Variants in LAMA2 observed in about 807,000 individuals in gnomAD.
LAMA2 encodes laminin subunit alpha-2.
In LAMA2, 269 loss-of-function variants were observed where a neutral mutation model predicts 364.8. The ratio of observed to expected loss-of-function variants is 0.74; its 90% CI spans 0.67 to 0.82. The LOEUF is 0.82. Among genes scored for constraint, LAMA2 ranks in the 40% least tolerant of loss-of-function variants. The pLI is 0.00. For missense variants in LAMA2, 3,807 were observed against 3,873.2 expected (o/e 0.98, Z 0.45); for synonymous variants, 1,379 against 1,370.6 (o/e 1.01, Z -0.14).
chr6:128,942,085 C>T (rs909623870), intron 1 of LAMA2, among the ~76,000 whole-genome samples: 4 of 152,100 alleles, frequency 2.6e-5, no homozygotes, highest in African/African-American at 7.2e-5. Context: ...AACTAAACAA[C>T]GGAAGCACAA....
intron 1 of LAMA2, among the ~76,000 whole-genome samples, chr6:128,887,750 A>T (rs1487584004): frequency 6.6e-6 from 1 of 152,046 alleles, no homozygotes; most frequent in African/African-American, 2.4e-5. Context: ...TGTGCCTGTA[A>T]TCCCAGCTAC....
chr6:129,445,553 A>G (rs560147472), intron 44 of LAMA2, 114 bp from the exon 45 acceptor site: 23 of 905,400 alleles, frequency 2.5e-5, no homozygotes, highest in African/African-American at 6.6e-5. Flanking sequence ...TGTTATGGCC[A>G]TGCTTTGTCA....
intron 49 of LAMA2, 150 bp downstream of exon 49, chr6:129,460,474 T>C: frequency 1.2e-6 from 1 of 846,876 alleles, no homozygotes; most frequent in South Asian, 1.4e-5. Flanking sequence ...AACTAATGAA[T>C]CTTCAAGTCC....
intron 32 of LAMA2, among the ~76,000 whole-genome samples, chr6:129,354,429 A>G (rs948667952): frequency 1.8e-4 from 27 of 152,288 alleles, no homozygotes; most frequent in African/African-American, 6.5e-4. Context: ...TGTCAAATAC[A>G]TTTATATTGT....
chr6:129,082,133 A>G (rs1774098547), intron 3 of LAMA2, among the ~76,000 whole-genome samples: 1 of 152,144 alleles, frequency 6.6e-6, no homozygotes, highest in Non-Finnish European at 1.5e-5. Context: ...ATGTAGGACT[A>G]TATAAGTTAT....
chr6:129,304,069 A>C (rs1165639916), intron 22 of LAMA2, among the ~76,000 whole-genome samples: 1 of 152,194 alleles, frequency 6.6e-6, no homozygotes, highest in Non-Finnish European at 1.5e-5. Flanking sequence ...AATCAAGAAA[A>C]AAGAGAGAAG....
intron 1 of LAMA2, among the ~76,000 whole-genome samples, chr6:128,937,379 A>G (rs1779890950): frequency 1.3e-5 from 2 of 152,080 alleles, no homozygotes; most frequent in Admixed American, 1.3e-4. Flanking sequence ...TACCTCATAT[A>G]ATGAGATTGG....
intron 12 of LAMA2, among the ~76,000 whole-genome samples, chr6:129,212,088 C>T (rs774128524): frequency 5.9e-5 from 9 of 152,012 alleles, no homozygotes; most frequent in African/African-American, 1.7e-4. Flanking sequence ...TCTGGATTTC[C>T]GAAATATTTT....
intron 4 of LAMA2, among the ~76,000 whole-genome samples, chr6:129,138,319 AAAT>A (rs1481244253): frequency 2.0e-5 from 3 of 152,130 alleles, no homozygotes; most frequent in African/African-American, 7.2e-5. Flanking sequence ...GAATTAATAA[AAAT>A]AACCCTAAAA....
chr6:129,301,113 A>T (rs1354497703), intron 22 of LAMA2, among the ~76,000 whole-genome samples: 2 of 152,172 alleles, frequency 1.3e-5, no homozygotes, highest in Non-Finnish European at 2.9e-5. Flanking sequence ...AAGAACAAAA[A>T]TTCTGTAATA....
chr6:129,275,052 A>C (rs1376709991), intron 17 of LAMA2, among the ~76,000 whole-genome samples: 6 of 152,178 alleles, frequency 3.9e-5, no homozygotes, highest in African/African-American at 1.4e-4. Context: ...TGTGTGGGTC[A>C]GGAATGCTGA....
intron 49 of LAMA2, among the ~76,000 whole-genome samples, chr6:129,462,502 G>A (rs969220682): frequency 5.9e-5 from 9 of 151,850 alleles, no homozygotes; most frequent in Non-Finnish European, 1.3e-4. Context: ...TATACCCCTT[G>A]TCATCAAACT....
At chr6:129,477,605 T>TGAA (rs1554304526) in intron 53 of LAMA2, among the ~76,000 whole-genome samples, 4 of 152,146 alleles carry the variant, frequency 2.6e-5, no homozygotes, top group Non-Finnish European at 5.9e-5. Flanking sequence ...CCCCATTTTA[T>TGAA]GAAGTAGTAT....
chr6:129,259,552 A>G (rs1786972481), intron 14 of LAMA2, among the ~76,000 whole-genome samples: 1 of 152,116 alleles, frequency 6.6e-6, no homozygotes, highest in African/African-American at 2.4e-5. Context: ...ATTTTCATGC[A>G]CTAAAATGAT....
intron 29 of LAMA2, among the ~76,000 whole-genome samples, chr6:129,330,615 T>TTTTTTTC (rs1398796911): frequency 6.7e-6 from 1 of 149,178 alleles, no homozygotes; most frequent in Non-Finnish European, 1.5e-5. Flanking sequence ...TTTTTTTTTT[T>TTTTTTTC]CCCACTGTGT....
rs1431688658 is a variant in LAMA2 at position 129,008,822 on chromosome 6, G to T, written c.113-41096G>T. On this transcript the variant is annotated intron_variant, in intron 1 of 64. Transcript: ENST00000421865. ...ACTTTTTGGATAGAATCAGTTGCAG[G>T]AATTTTCCAAACGATTCACACAGCA... 2.6e-5 allele frequency among the ~76,000 whole-genome samples: 4 copies of T among 152,106 alleles called. No homozygotes were observed. The South Asian group carries it at 6.2e-4, about 24-fold the overall frequency.
At chr6:129,009,403 A>G (rs1177696511) in intron 1 of LAMA2, among the ~76,000 whole-genome samples, 1 of 152,074 alleles carries the variant, frequency 6.6e-6, no homozygotes, top group African/African-American at 2.4e-5. Flanking sequence ...TTTTTTTCCA[A>G]TTAGGATAAG....
At chr6:129,134,732 G>A (rs562109369) in intron 4 of LAMA2, among the ~76,000 whole-genome samples, 6 of 152,170 alleles carry the variant, frequency 3.9e-5, no homozygotes, top group Non-Finnish European at 7.3e-5. Context: ...AGGAGGTGGA[G>A]CTCAGACACC....
intron 12 of LAMA2, among the ~76,000 whole-genome samples, chr6:129,209,015 T>TAATGA (rs1439821194): frequency 6.6e-6 from 1 of 152,074 alleles, no homozygotes; most frequent in Non-Finnish European, 1.5e-5. Flanking sequence ...AAGTCATTTA[T>TAATGA]AATGAAATGG....
Sources: allele counts gnomAD v4.1 joint callset (sites outside exome capture counted in the v4.1 genomes callset), GRCh38; gene constraint gnomAD v4.1.1; transcripts MANE v1.5; gene names NCBI Gene and HGNC (gene_info 2026-07-23, HGNC 2026-07-21).